NCF2: variants seen among roughly 807,000 people sequenced by gnomAD.
The protein encoded by NCF2 is neutrophil cytosol factor 2.
A neutral mutation model predicts 70.9 loss-of-function variants in NCF2; 45 were observed. The observed-to-expected ratio is 0.63, with a 90% CI of 0.50 to 0.81. NCF2 has a LOEUF of 0.81. Among genes scored for constraint, NCF2 ranks in the 40% least tolerant of loss-of-function variants. The pLI is 0.00. For synonymous variants in NCF2, 203 were observed against 233.6 expected, an observed-to-expected ratio of 0.87 and a Z score of 1.19; for missense variants, 522 against 631.6, an observed-to-expected ratio of 0.83 and a Z score of 1.86.
At position 183,590,289 on chromosome 1, in the gene NCF2, AC is replaced by A. The variant is rs1290169467; in HGVS notation, c.40del (p.Val14CysfsTer37). On this transcript the variant is annotated frameshift_variant, in exon 1 of 15. Transcript: ENST00000367535. LOFTEE classifies it high-confidence loss of function. ...VEAISLWNEG[V>X]LAADKKDWKG... Reference sequence around the variant, plus strand: ...CCAGTCCTTCTTGTCCGCTGCCAGCACCCCTTCATTCCAGAGGCTGATGGCC... The same window carrying A: ...CCAGTCCTTCTTGTCCGCTGCCAGCACCCTTCATTCCAGAGGCTGATGGCC... 1 of 1,613,938 alleles carries A rather than the reference AC, an allele frequency of 6.2e-7. No individual in the cohort carries two copies. Among genetic ancestry groups the A allele is most frequent in the African/African-American group, 1.3e-5 (1 of 74,882 alleles).
chr1:183,592,840 A>G (rs927144151), upstream of NCF2, among the ~76,000 whole-genome samples: 3 of 152,124 alleles, frequency 2.0e-5, no homozygotes, highest in African/African-American at 7.2e-5. Flanking sequence ...TCACAATCCC[A>G]TACAAACTCT....
upstream of NCF2, among the ~76,000 whole-genome samples, chr1:183,594,999 G>A (rs1031502247): frequency 3.3e-5 from 5 of 152,134 alleles, no homozygotes; most frequent in South Asian, 2.1e-4. Flanking sequence ...TGTTTAGCAC[G>A]TAGTAGCTGC....
At chr1:183,567,543 C>CAT in intron 7 of NCF2, 198 bp from the exon 8 acceptor site, 1 of 750,680 alleles carries the variant, frequency 1.3e-6, no homozygotes, top group African/African-American at 1.7e-5. Context: ...TGCTCATAAC[C>CAT]ATATATGCAG....
intron 2 of NCF2, among the ~76,000 whole-genome samples, chr1:183,584,087 C>T (rs1463901786): frequency 1.3e-5 from 2 of 152,008 alleles, no homozygotes; most frequent in Non-Finnish European, 2.9e-5. Context: ...GAGACATTCC[C>T]TGGATGGATC....
At chr1:183,564,978 G>T (rs1490696295) in intron 10 of NCF2, among the ~76,000 whole-genome samples, 1 of 152,206 alleles carries the variant, frequency 6.6e-6, no homozygotes, top group Non-Finnish European at 1.5e-5. Context: ...GGTGCAAAAT[G>T]TTAACAATTG....
In NCF2 at chr1:183,572,337, G is replaced by A. The variant is rs138208616; in HGVS notation, c.609+848C>T. 2.5e-3 allele frequency among the ~76,000 whole-genome samples: 384 copies of A among 152,060 alleles called. 4 individuals carry two copies. Among genetic ancestry groups the A allele is most frequent in the Admixed American group, 0.018 (272 of 15,278 alleles). ...GTAGCTGGGATTACAGGCATGCACC[G>A]CAGCACCCAGCTAATTTTGTATTTT... On this transcript the variant is annotated intron_variant, in intron 5 of 14. Transcript: ENST00000367535.
Position 183,586,932 on chromosome 1 carries a change from A to C in NCF2, c.220T>G (p.Tyr74Asp), listed in dbSNP as rs1673379582. The C allele has an allele frequency of 6.2e-7, 1 of 1,613,996 alleles. No homozygotes were observed. Among genetic ancestry groups the C allele is most frequent in the South Asian group, 1.1e-5 (1 of 91,082 alleles). Residue 74 changes from tyrosine to aspartate, a missense_variant, in exon 2 of 15, where the codon TAC (tyrosine) becomes GAC (aspartate). Physicochemically the swap from Tyr to Asp is radical, Grantham distance 160 (BLOSUM62 -3). Transcript: ENST00000367535. ...TAGTAGAGCATCCCTCGTTGGAAGT[A>C]AGCCACTGCCAAGTGCTTGTCTCGG... is the stretch of plus-strand genomic sequence containing the variant. Reference protein sequence around the residue: ...INRDKHLAVAYFQRGMLYYQT... With the variant: ...INRDKHLAVADFQRGMLYYQT...
rs751537657 is a variant in NCF2, at chr1:183,567,001, A to G, written c.856-13T>C. 3 of 1,614,200 alleles carry G rather than the reference A, an allele frequency of 1.9e-6. 1 individual carries two copies. In the South Asian group the frequency reaches 3.3e-5, roughly 18 times the overall value. On this transcript the variant is annotated splice_polypyrimidine_tract_variant and intron_variant, in intron 8 of 14. Transcript: ENST00000367535. ...GAACAAGCCCCTTCTGCAGTGCAGC[A>G]CCACAGAATCAGAAAGGAAAAAATA...
At chr1:183,562,252 A>C (rs1672094676) in intron 13 of NCF2, among the ~76,000 whole-genome samples, 1 of 152,192 alleles carries the variant, frequency 6.6e-6, no homozygotes, top group African/African-American at 2.4e-5. Context: ...AAAAAAGTTT[A>C]AGTGAAGTAG....
At chr1:183,572,310 A>T (rs573085574) in intron 5 of NCF2, among the ~76,000 whole-genome samples, 1 of 152,296 alleles carries the variant, frequency 6.6e-6, no homozygotes, top group African/African-American at 2.4e-5. Flanking sequence ...TCAGCCTCCC[A>T]GGTAGCTGGG....
Position 183,585,903 on chromosome 1 carries a change from A to G in NCF2, c.257+992T>C, listed in dbSNP as rs982155647. On this transcript the variant is annotated intron_variant, in intron 2 of 14. Transcript: ENST00000367535. ...AACCTAAAAATGCAGACAGGGTGAT[A>G]GAAGAAAATGGATTTTCCTATAATC... Among the ~76,000 whole-genome samples the G allele has an allele frequency of 3.3e-5, 5 of 152,262 alleles. No homozygotes were observed. In the East Asian group the frequency reaches 9.6e-4, roughly 29 times the overall value.
chr1:183,588,836 G>T (rs1453274075), intron 1 of NCF2, among the ~76,000 whole-genome samples: 1 of 152,202 alleles, frequency 6.6e-6, no homozygotes, highest in African/African-American at 2.4e-5. Flanking sequence ...AGAAGTGAGT[G>T]GTGGCCCACA....
intron 14 of NCF2, among the ~76,000 whole-genome samples, chr1:183,558,512 C>T (rs1671895158): frequency 6.6e-6 from 1 of 151,918 alleles, no homozygotes; most frequent in Admixed American, 6.6e-5. Context: ...AAGCAGTCAG[C>T]CCACATTGAC....
upstream of NCF2, among the ~76,000 whole-genome samples, chr1:183,593,876 A>G (rs1673729278): frequency 6.6e-6 from 1 of 152,142 alleles, no homozygotes; most frequent in Non-Finnish European, 1.5e-5. Context: ...TTCAGGAGGG[A>G]AAGTCTGCTA....
In NCF2 at chr1:183,556,248, A is replaced by G; in HGVS notation, c.1469-18T>C. ...TTCATTCACTGATAAAAGGAAAAGT[A>G]CACATGGATTTCTAAAACCACTGTA... On this transcript the variant is annotated intron_variant, in intron 14 of 14. Coordinates refer to ENST00000367535, the MANE Select transcript of NCF2 (RefSeq NM_000433.4). 3 of 1,605,362 alleles carry G rather than the reference A, an allele frequency of 1.9e-6. No individual in the cohort carries two copies. The highest frequency in any genetic ancestry group is 1.3e-5 in the African/African-American group (1 of 74,880).
chr1:183,599,470 C>CTTTCTTTCTTTCTTTCT, the NCF2 span, among the ~76,000 whole-genome samples: 2 of 137,152 alleles, frequency 1.5e-5, no homozygotes, highest in African/African-American at 5.7e-5. Context: ...TTCTTTCTTT[C>CTTTCTTTCTTTCTTTCT]TTTCTTTCTT....
At chr1:183,599,370 T>C in the NCF2 span, among the ~76,000 whole-genome samples, 1 of 151,986 alleles carries the variant, frequency 6.6e-6, no homozygotes, top group Non-Finnish European at 1.5e-5. Context: ...ACAGAGACCT[T>C]GTCTCTAAAA....
Position 183,567,224 on chromosome 1 carries a change from T to C in NCF2, c.835A>G (p.Thr279Ala). 6.2e-7 allele frequency: 1 copy of C among 1,614,164 alleles called. No individual in the cohort carries two copies. The highest frequency in any genetic ancestry group is 8.5e-7 in the Non-Finnish European group (1 of 1,180,036). The change falls in exon 8 of 15, where the codon ACG becomes GCG. Residue 279 changes from threonine (T) to alanine (A), a missense_variant. Thr to Ala is a moderately conservative substitution (Grantham distance 58). Transcript: ENST00000367535. ...VLKKGNDNWATVMFNGQKGLV... is the reference protein window; with the variant it reads ...VLKKGNDNWAAVMFNGQKGLV... The stretch of plus-strand genomic sequence containing the variant: ...CATACCTGCCCGTTGAACATGACCG[T>C]GGCCCAGTTATCATTGCCCTTCTTC...
intron 13 of NCF2, among the ~76,000 whole-genome samples, chr1:183,560,793 T>C (rs766060302): frequency 5.4e-4 from 82 of 152,220 alleles, no homozygotes; most frequent in Non-Finnish European, 1.0e-3. Context: ...GTCTGCAAAA[T>C]CATATACAGT....
Sources: allele counts gnomAD v4.1 joint callset (sites outside exome capture counted in the v4.1 genomes callset), GRCh38; gene constraint gnomAD v4.1.1; transcripts MANE v1.5; gene names NCBI Gene and HGNC (gene_info 2026-07-23, HGNC 2026-07-21).